Variants in NPAS3 observed in about 807,000 individuals in gnomAD.
NPAS3 encodes the protein neuronal PAS domain protein 3.
In NPAS3, 14 loss-of-function variants were observed where a neutral mutation model predicts 73.1. The observed-to-expected ratio is 0.19, with a 90% confidence interval of 0.13 to 0.30. The LOEUF (loss-of-function observed/expected upper bound fraction) is 0.30, where lower values mean the gene tolerates loss of function less well. Ranked by LOEUF, NPAS3 falls within the 10% of genes least tolerant of loss-of-function variation. The pLI, the probability that NPAS3 is intolerant of heterozygous loss-of-function variation, is 1.00. For missense variants in NPAS3, 1,096 were observed against 1,250.0 expected (o/e 0.88, Z 1.86); for synonymous variants, 620 against 541.5 (o/e 1.14, Z -2.01).
At chr14:33,355,538 T>G (rs2045300440) in intron 3 of NPAS3, among the ~76,000 whole-genome samples, 3 of 152,316 alleles carry the variant, frequency 2.0e-5, no homozygotes, top group South Asian at 2.1e-4. Context: ...GACCTCATGA[T>G]CCGCCTGCCT....
At chr14:33,746,137 AG>A (rs1459830094) in intron 7 of NPAS3, among the ~76,000 whole-genome samples, 1 of 151,926 alleles carries the variant, frequency 6.6e-6, no homozygotes, top group Non-Finnish European at 1.5e-5. Context: ...AACATTCCTT[AG>A]GGGATTCTAT....
chr14:33,466,409 A>T (rs976735423), intron 4 of NPAS3, among the ~76,000 whole-genome samples: 1 of 152,218 alleles, frequency 6.6e-6, no homozygotes, highest in Non-Finnish European at 1.5e-5. Context: ...TAATGGAAGT[A>T]GCCATCACCA....
chr14:33,135,428 G>C (rs1198639481), intron 2 of NPAS3, among the ~76,000 whole-genome samples: 1 of 152,136 alleles, frequency 6.6e-6, no homozygotes. Context: ...TATGTTTTCA[G>C]TAATGGGAAA....
intron 4 of NPAS3, among the ~76,000 whole-genome samples, chr14:33,507,168 G>A (rs534052823): frequency 6.6e-6 from 1 of 152,054 alleles, no homozygotes; most frequent in South Asian, 2.1e-4. Flanking sequence ...AAAGATCTAA[G>A]GATATTTCTG....
At chr14:33,515,098 C>G (rs536771596) in intron 4 of NPAS3, among the ~76,000 whole-genome samples, 4 of 152,160 alleles carry the variant, frequency 2.6e-5, no homozygotes, top group Non-Finnish European at 4.4e-5. Context: ...CTGGCTCTGT[C>G]GAGCCAATTA....
chr14:33,563,559 G>A (rs1232045042), intron 5 of NPAS3, among the ~76,000 whole-genome samples: 1 of 101,312 alleles, frequency 9.9e-6, no homozygotes, highest in Admixed American at 8.8e-5. Context: ...GAGAGAGAGA[G>A]AGAGAGGAGA....
intron 4 of NPAS3, among the ~76,000 whole-genome samples, chr14:33,429,071 GATA>G (rs1282512564): frequency 6.6e-6 from 1 of 152,136 alleles, no homozygotes; most frequent in East Asian, 1.9e-4. Context: ...AGGTACTGGA[GATA>G]AGAGAGTGTT....
intron 2 of NPAS3, among the ~76,000 whole-genome samples, chr14:33,154,439 C>T (rs1334827742): frequency 6.6e-6 from 1 of 152,218 alleles, no homozygotes; most frequent in African/African-American, 2.4e-5. Flanking sequence ...GCGCTTTGAG[C>T]CCCATCGACC....
downstream of NPAS3, chr14:33,803,139 A>G (rs969595601): frequency 6.6e-6 from 1 of 152,192 alleles, no homozygotes. Context: ...TGCTCTACCT[A>G]TAAGCAGTGG....
chr14:32,965,472 A>G (rs1176650358), intron 1 of NPAS3, among the ~76,000 whole-genome samples: 1 of 152,230 alleles, frequency 6.6e-6, no homozygotes, highest in Non-Finnish European at 1.5e-5. Context: ...TGATCATCTC[A>G]ATAGATGAAG....
chr14:33,802,397 A>AAAAAG (rs2063738274), downstream of NPAS3: 2 of 151,654 alleles, frequency 1.3e-5, no homozygotes, highest in African/African-American at 2.4e-5. Flanking sequence ...AAAAAGAAAA[A>AAAAAG]AAAAAGAAAA....
Position 33,250,480 on chromosome 14 carries a change from C to T in NPAS3, c.385+35054C>T, listed in dbSNP as rs550005639. Among the ~76,000 whole-genome samples the T allele has an allele frequency of 3.9e-5, 6 of 152,148 alleles. No individual in the cohort carries two copies. The South Asian group carries it at 1.2e-3, about 32-fold the overall frequency. ...GCTCATTCCAAAGAGCGGTATTTTTCCAAGCGAACAAATAACATCAGTAAA... is the reference window on the plus strand; with the variant it reads ...GCTCATTCCAAAGAGCGGTATTTTTTCAAGCGAACAAATAACATCAGTAAA... On this transcript the variant is annotated intron_variant, in intron 3 of 11. Coordinates refer to ENST00000356141, the Ensembl canonical transcript of NPAS3.
At position 32,939,736 on chromosome 14, in the gene NPAS3, G is replaced by T. The variant is rs1162041652; in HGVS notation, c.50+370G>T. ...GCAGCAGCGAGGGTGGGGGGCCGGG[G>T]ATCCCCGGGGCCGCCGCAGGTCCCC... On this transcript the variant is annotated intron_variant, in intron 1 of 11. Coordinates refer to ENST00000356141, the Ensembl canonical transcript of NPAS3. 3.9e-5 allele frequency among the ~76,000 whole-genome samples: 6 copies of T among 152,034 alleles called. No individual in the cohort carries two copies. In the South Asian group the frequency reaches 1.2e-3, roughly 32 times the overall value.
intron 2 of NPAS3, among the ~76,000 whole-genome samples, chr14:33,096,296 GCTAGAAAGTA>G (rs1158653825): frequency 2.0e-5 from 3 of 152,088 alleles, no homozygotes; most frequent in Non-Finnish European, 4.4e-5. Flanking sequence ...GAATAGCTCA[GCTAGAAAGTA>G]CTAGAAAGTA....
chr14:33,217,416 AC>A (rs2139687902), intron 3 of NPAS3, among the ~76,000 whole-genome samples: 1 of 152,352 alleles, frequency 6.6e-6, no homozygotes, highest in African/African-American at 2.4e-5. Flanking sequence ...AGTTTGAGGC[AC>A]AGGCTATCTT....
intron 5 of NPAS3, among the ~76,000 whole-genome samples, chr14:33,613,911 G>C (rs189479013): frequency 6.6e-6 from 1 of 152,090 alleles, no homozygotes; most frequent in Non-Finnish European, 1.5e-5. Context: ...GTAATTACCT[G>C]TGTGCTTCTC....
chr14:33,601,837 A>C (rs911949060), intron 5 of NPAS3, among the ~76,000 whole-genome samples: 1 of 152,228 alleles, frequency 6.6e-6, no homozygotes, highest in Non-Finnish European at 1.5e-5. Flanking sequence ...TGGAGTAAGC[A>C]TGAGGACTTC....
At chr14:33,568,342 T>G (rs777917811) in intron 5 of NPAS3, among the ~76,000 whole-genome samples, 3 of 152,202 alleles carry the variant, frequency 2.0e-5, no homozygotes, top group Non-Finnish European at 4.4e-5. Flanking sequence ...ATGTCCCTGG[T>G]TTTCTGGAAA....
At chr14:33,068,344 A>G (rs2041353525) in intron 2 of NPAS3, among the ~76,000 whole-genome samples, 1 of 152,150 alleles carries the variant, frequency 6.6e-6, no homozygotes, top group Non-Finnish European at 1.5e-5. Context: ...ATTTCCATTC[A>G]TTCTTGTTAG....
Sources: allele counts gnomAD v4.1 joint callset (sites outside exome capture counted in the v4.1 genomes callset), GRCh38; gene constraint gnomAD v4.1.1; transcripts MANE v1.5; gene names NCBI Gene and HGNC (gene_info 2026-07-23, HGNC 2026-07-21).